Variants in IPO11 observed in about 807,000 individuals in gnomAD.
IPO11 encodes the protein importin-11.
A neutral mutation model predicts 143.2 loss-of-function variants in IPO11; 66 were observed. That is an observed-to-expected ratio of 0.46 (90% CI 0.38 to 0.57). The LOEUF is 0.57. Among genes scored for constraint, IPO11 ranks in the 20% least tolerant of loss-of-function variants. The pLI is 0.00. For synonymous variants in IPO11, 385 were observed against 377.8 expected (o/e 1.02, Z -0.22); for missense variants, 1,026 against 1,141.0 (o/e 0.90, Z 1.45).
chr5:62,458,381 A>C (rs1347825673), intron 5 of IPO11, among the ~76,000 whole-genome samples: 1 of 151,732 alleles, frequency 6.6e-6, no homozygotes, highest in East Asian at 1.9e-4. Context: ...GCTCACTGCA[A>C]CTTCTACCTG....
chr5:62,448,511 A>C (rs1036395113), intron 3 of IPO11, among the ~76,000 whole-genome samples: 4 of 152,124 alleles, frequency 2.6e-5, no homozygotes, highest in African/African-American at 9.7e-5. Flanking sequence ...TGGACCCTTG[A>C]TATTCTTGTA....
In IPO11 at chr5:62,580,656, A is replaced by G. The variant is rs190449743; in HGVS notation, c.2583-10921A>G. The G allele has an allele frequency of 7.1e-6, 11 of 1,551,518 alleles. No homozygotes were observed. In the East Asian group the frequency reaches 1.5e-4, roughly 21 times the overall value. The stretch of plus-strand genomic sequence containing the variant: ...ATATTAACATTACAAATTGTGTTAC[A>G]TCTTCAATAAATGTATCCAGAGCTT... On this transcript the variant is annotated intron_variant, in intron 27 of 29. Transcript: ENST00000325324.
At chr5:62,481,227 T>G (rs1260527739) in intron 9 of IPO11, among the ~76,000 whole-genome samples, 1 of 152,164 alleles carries the variant, frequency 6.6e-6, no homozygotes, top group Non-Finnish European at 1.5e-5. Flanking sequence ...CGACTTCCTC[T>G]TTTCCTAATT....
At chr5:62,505,042 C>A in intron 18 of IPO11, 144 bp downstream of exon 18, 1 of 454,144 alleles carries the variant, frequency 2.2e-6, no homozygotes, top group Non-Finnish European at 3.8e-6. Context: ...TTTTGGAGGA[C>A]ATAATTTTTA....
At chr5:62,610,274 C>T (rs574720276) in intron 29 of IPO11, among the ~76,000 whole-genome samples, 1 of 151,932 alleles carries the variant, frequency 6.6e-6, no homozygotes, top group South Asian at 2.1e-4. Context: ...TCAAAAATTA[C>T]TGAAATGATT....
intron 16 of IPO11, among the ~76,000 whole-genome samples, chr5:62,499,637 G>T (rs1011078420): frequency 2.8e-5 from 4 of 145,350 alleles, no homozygotes; most frequent in African/African-American, 1.0e-4. Context: ...GTGCAGAGGC[G>T]CAATCTCGGC....
intron 28 of IPO11, among the ~76,000 whole-genome samples, chr5:62,591,975 G>A (rs1486756667): frequency 1.3e-5 from 2 of 152,030 alleles, no homozygotes; most frequent in Non-Finnish European, 2.9e-5. Flanking sequence ...TTAGCTTCCC[G>A]AGTAGCTGAG....
intron 27 of IPO11, among the ~76,000 whole-genome samples, chr5:62,588,891 A>G (rs1480532224): frequency 2.0e-5 from 3 of 152,174 alleles, no homozygotes. Flanking sequence ...TCTATTACAA[A>G]CATTGACCAC....
Position 62,506,376 on chromosome 5 carries a change from A to G in IPO11, c.1782+19A>G, listed in dbSNP as rs1159369759. 2 of 1,237,572 alleles carry G rather than the reference A, an allele frequency of 1.6e-6. No individual in the cohort carries two copies. Among genetic ancestry groups the G allele is most frequent in the Non-Finnish European group, 2.4e-6 (2 of 842,538 alleles). 76.7% of individuals were successfully genotyped at this position (1,237,572 alleles called of 1,614,324 possible). ...CATGCAGGTAATTATATTGTAAAAC[A>G]TGAAAATAAATGAGGGGTGGGTAGA... On this transcript the variant is annotated intron_variant, in intron 19 of 29. Transcript: ENST00000325324.
At chr5:62,546,974 A>T (rs954636185) in intron 24 of IPO11, among the ~76,000 whole-genome samples, 1 of 152,112 alleles carries the variant, frequency 6.6e-6, no homozygotes, top group African/African-American at 2.4e-5. Context: ...TATATTTTAG[A>T]GTTTGGAACC....
Position 62,550,355 on chromosome 5 carries a change from T to A in IPO11, c.2251-12T>A. The stretch of plus-strand genomic sequence containing the variant: ...TGCAGTATTATCACCAATCTTTCTT[T>A]CTGGTTTTTAGGTTGTGGAAAATGC... On this transcript the variant is annotated splice_polypyrimidine_tract_variant and intron_variant, in intron 24 of 29. Transcript: ENST00000325324. 1 of 1,588,780 alleles carries A rather than the reference T, an allele frequency of 6.3e-7. No individual in the cohort carries two copies. Among genetic ancestry groups the A allele is most frequent in the Non-Finnish European group, 8.6e-7 (1 of 1,159,608 alleles).
intron 27 of IPO11, among the ~76,000 whole-genome samples, chr5:62,586,762 A>AG (rs1273896271): frequency 1.2e-5 from 1 of 86,496 alleles, no homozygotes; most frequent in African/African-American, 4.6e-5. Flanking sequence ...CAAAAAAAAA[A>AG]AAAAAAATAT....
Position 62,530,404 on chromosome 5 carries a change from T to C in IPO11, c.2013-305T>C, listed in dbSNP as rs979434530. Among the ~76,000 whole-genome samples, 4 of 152,178 alleles carry C rather than the reference T, an allele frequency of 2.6e-5. No homozygotes were observed. The East Asian group carries it at 7.7e-4, about 29-fold the overall frequency. On this transcript the variant is annotated intron_variant, in intron 21 of 29. Coordinates refer to ENST00000325324, the MANE Select transcript of IPO11 (RefSeq NM_016338.5). ...TCCTGTGAATACTGTATTTTTAATC[T>C]TGGATTTGGTTGAAAAAGTCTGGGT... is the stretch of plus-strand genomic sequence containing the variant.
At chr5:62,592,236 C>G (rs1265442012) in intron 28 of IPO11, among the ~76,000 whole-genome samples, 1 of 152,116 alleles carries the variant, frequency 6.6e-6, no homozygotes, top group Non-Finnish European at 1.5e-5. Context: ...TTTAAAATTT[C>G]AAATATATTT....
intron 27 of IPO11, among the ~76,000 whole-genome samples, chr5:62,571,311 A>C (rs1415957624): frequency 6.6e-6 from 1 of 152,202 alleles, no homozygotes; most frequent in Non-Finnish European, 1.5e-5. Flanking sequence ...TGTTTGTGTG[A>C]AGTTGGACCA....
intron 2 of IPO11, among the ~76,000 whole-genome samples, chr5:62,441,688 G>A (rs778283062): frequency 6.7e-6 from 1 of 149,296 alleles, no homozygotes; most frequent in Non-Finnish European, 1.5e-5. Flanking sequence ...CTAATTTTTT[G>A]TATTTTTAGT....
At chr5:62,559,038 T>G (rs560793504) in intron 26 of IPO11, among the ~76,000 whole-genome samples, 3 of 152,210 alleles carry the variant, frequency 2.0e-5, no homozygotes, top group African/African-American at 7.2e-5. Context: ...TAAAAATAAT[T>G]TATTGCTAGA....
At chr5:62,476,570 C>A in intron 8 of IPO11, 113 bp from the exon 9 acceptor site, 1 of 1,150,266 alleles carries the variant, frequency 8.7e-7, no homozygotes, top group Non-Finnish European at 1.2e-6. Context: ...ATAATGAATT[C>A]ATAATGCAAA....
chr5:62,434,014 A>G (rs962862238), intron 1 of IPO11, among the ~76,000 whole-genome samples: 1 of 152,078 alleles, frequency 6.6e-6, no homozygotes, highest in Non-Finnish European at 1.5e-5. Flanking sequence ...TTTTATACCT[A>G]TATGAAAAGC....
Sources: allele counts gnomAD v4.1 joint callset (sites outside exome capture counted in the v4.1 genomes callset), GRCh38; gene constraint gnomAD v4.1.1; transcripts MANE v1.5; gene names NCBI Gene and HGNC (gene_info 2026-07-23, HGNC 2026-07-21).